BAZ2B: variants seen among roughly 807,000 people sequenced by gnomAD.
BAZ2B encodes the protein bromodomain adjacent to zinc finger domain protein 2B.
In BAZ2B, 91 loss-of-function variants were observed where a neutral mutation model predicts 246.0. The observed-to-expected ratio is 0.37, with a 90% CI of 0.31 to 0.44. BAZ2B has a LOEUF of 0.44. Ranked by LOEUF, BAZ2B falls within the 20% of genes least tolerant of loss-of-function variation. The pLI is 1.00. For missense variants in BAZ2B, 2,332 were observed against 2,533.7 expected (o/e 0.92, Z 1.71); for synonymous variants, 855 against 860.0 (o/e 0.99, Z 0.10).
chr2:159,340,583 C>T (rs549065344), intron 31 of BAZ2B, among the ~76,000 whole-genome samples: 21 of 151,836 alleles, frequency 1.4e-4, no homozygotes, highest in Non-Finnish European at 2.8e-4. Context: ...TTGGATTTCT[C>T]AGCAGAAACC....
At chr2:159,346,391 G>C (rs1030019564) in intron 31 of BAZ2B, among the ~76,000 whole-genome samples, 1 of 152,138 alleles carries the variant, frequency 6.6e-6, no homozygotes, top group Non-Finnish European at 1.5e-5. Flanking sequence ...GGAGATTAAG[G>C]TTTCTAAACC....
At chr2:159,599,609 ACT>A (rs1189543257) in intron 1 of BAZ2B, among the ~76,000 whole-genome samples, 4 of 140,750 alleles carry the variant, frequency 2.8e-5, no homozygotes, top group African/African-American at 1.1e-4. Flanking sequence ...CAAGAGGGAA[ACT>A]CTGTCTCAAA....
intron 2 of BAZ2B, among the ~76,000 whole-genome samples, chr2:159,547,550 T>C (rs2087546504): frequency 6.6e-6 from 1 of 151,934 alleles, no homozygotes; most frequent in African/African-American, 2.4e-5. Flanking sequence ...GACTAGCATT[T>C]CTTATATCTC....
At chr2:159,370,371 G>T (rs950958498) in intron 27 of BAZ2B, among the ~76,000 whole-genome samples, 2 of 136,432 alleles carry the variant, frequency 1.5e-5, no homozygotes, top group Admixed American at 7.7e-5. Context: ...CCTAGGCACT[G>T]TACTACCTTT....
chr2:159,349,239 T>C lies in BAZ2B; in HGVS notation c.4905A>G (p.Gly1635=), dbSNP rs990592455. 1.2e-6 allele frequency: 2 copies of C among 1,613,218 alleles called. No homozygotes were observed. The highest frequency in any genetic ancestry group is 1.7e-6 in the Non-Finnish European group (2 of 1,179,398). ...TAGAAGTAACCACACCAGTGGGCCA[T>C]CCACAAAACTGAAGTCCCATCATAG... ...GVSMMGLQFC[G]WPTGVVTSNI... is the part of the protein sequence containing the mutation. Residue 1635 remains glycine (G), a synonymous_variant, in exon 29 of 37, where the codon GGA becomes GGG. Transcript: ENST00000392783.
chr2:159,507,909 C>T (rs1402652641), intron 2 of BAZ2B, among the ~76,000 whole-genome samples: 4 of 152,094 alleles, frequency 2.6e-5, no homozygotes, highest in East Asian at 1.9e-4. Flanking sequence ...CTCCCTCTGT[C>T]GCCCAGGCTG....
In BAZ2B at chr2:159,355,885, G is replaced by T. The variant is rs559097859; in HGVS notation, c.4214-5528C>A. On this transcript the variant is annotated intron_variant, in intron 27 of 36. Transcript: ENST00000392783. ...TTGCCTCACCCAGGAAGTGCAAGGGGTCCGGGAACTCCCTCTCCTAGCCAA... is the reference window on the plus strand; with the variant it reads ...TTGCCTCACCCAGGAAGTGCAAGGGTTCCGGGAACTCCCTCTCCTAGCCAA... 1.9e-4 allele frequency among the ~76,000 whole-genome samples: 29 copies of T among 152,346 alleles called. No homozygotes were observed. The South Asian group carries it at 5.6e-3, about 29-fold the overall frequency.
At chr2:159,699,720 T>C in the BAZ2B span, among the ~76,000 whole-genome samples, 1 of 152,198 alleles carries the variant, frequency 6.6e-6, no homozygotes, top group Non-Finnish European at 1.5e-5. Context: ...CCTACCCTTT[T>C]CTGGGCCCAG....
At chr2:159,686,843 C>G in the BAZ2B span, among the ~76,000 whole-genome samples, 1 of 152,036 alleles carries the variant, frequency 6.6e-6, no homozygotes, top group Non-Finnish European at 1.5e-5. Context: ...GAGATCGAGA[C>G]CACCCTGGCT....
At chr2:159,490,886 G>A (rs2080380508) in intron 2 of BAZ2B, among the ~76,000 whole-genome samples, 2 of 152,080 alleles carry the variant, frequency 1.3e-5, no homozygotes, top group Non-Finnish European at 2.9e-5. Flanking sequence ...ATTTTTCTCA[G>A]AGGTCTCCAT....
chr2:159,417,872 G>C (rs1249503949), intron 13 of BAZ2B, among the ~76,000 whole-genome samples: 1 of 152,174 alleles, frequency 6.6e-6, no homozygotes, highest in African/African-American at 2.4e-5. Flanking sequence ...ATTAGAAAAA[G>C]AGTTTAGAGC....
At chr2:159,447,465 T>C (rs1452916041) in intron 5 of BAZ2B, among the ~76,000 whole-genome samples, 2 of 152,192 alleles carry the variant, frequency 1.3e-5, no homozygotes, top group Non-Finnish European at 1.5e-5. Flanking sequence ...AGAAAGATAG[T>C]AAATCATCTA....
the BAZ2B span, among the ~76,000 whole-genome samples, chr2:159,695,844 T>C: frequency 3.3e-5 from 5 of 152,274 alleles, no homozygotes; most frequent in East Asian, 9.6e-4. Context: ...AACCTCTGCC[T>C]CCTGGGTTCA....
At chr2:159,400,508 G>T in intron 17 of BAZ2B, 91 bp downstream of exon 17, 1 of 747,988 alleles carries the variant, frequency 1.3e-6, no homozygotes, top group Non-Finnish European at 2.2e-6. Flanking sequence ...AACAATTTGT[G>T]TGAGAAAACA....
At chr2:159,326,966 AACT>A (rs1256062766) in intron 34 of BAZ2B, among the ~76,000 whole-genome samples, 1 of 152,192 alleles carries the variant, frequency 6.6e-6, no homozygotes, top group Non-Finnish European at 1.5e-5. Flanking sequence ...ACTTTTAGAA[AACT>A]ACTATTCCCT....
intron 14 of BAZ2B, among the ~76,000 whole-genome samples, chr2:159,408,671 C>A (rs962820661): frequency 6.6e-6 from 1 of 152,166 alleles, no homozygotes; most frequent in Non-Finnish European, 1.5e-5. Context: ...GTAATCCCAG[C>A]ACTTTGGGAG....
the BAZ2B span, among the ~76,000 whole-genome samples, chr2:159,656,726 T>A: frequency 6.6e-6 from 1 of 152,214 alleles, no homozygotes; most frequent in Non-Finnish European, 1.5e-5. Flanking sequence ...ACTCTCATTT[T>A]AATTAACAAT....
chr2:159,658,383 G>T, the BAZ2B span, among the ~76,000 whole-genome samples: 3 of 152,088 alleles, frequency 2.0e-5, no homozygotes, highest in Non-Finnish European at 2.9e-5. Flanking sequence ...ACCCAGACTG[G>T]AGTGCAGTGG....
chr2:159,709,129 G>A, the BAZ2B span, among the ~76,000 whole-genome samples: 1 of 141,382 alleles, frequency 7.1e-6, no homozygotes, highest in East Asian at 2.0e-4. Flanking sequence ...ATGACATTTT[G>A]GGCTGGATAA....
Sources: gnomAD v4.1 joint callset for allele counts (sites outside exome capture counted in the v4.1 genomes callset) on GRCh38, gnomAD v4.1.1 for gene constraint, MANE v1.5 for transcripts, NCBI Gene and HGNC (gene_info 2026-07-23, HGNC 2026-07-21) for gene names.